Variants in FNDC3B observed in about 807,000 individuals in gnomAD.
FNDC3B encodes the protein fibronectin type III domain containing 3B.
FNDC3B carries 12 observed loss-of-function variants against 151.5 expected under a neutral mutation model. The observed-to-expected ratio is 0.08, with a 90% confidence interval of 0.05 to 0.13. The LOEUF (loss-of-function observed/expected upper bound fraction) is 0.13, where lower values mean the gene tolerates loss of function less well. Ranked by LOEUF, FNDC3B falls within the 10% of genes least tolerant of loss-of-function variation. The pLI is 1.00. For synonymous variants in FNDC3B, 528 were observed against 549.0 expected (o/e 0.96, Z 0.54); for missense variants, 1,214 against 1,505.3 (o/e 0.81, Z 3.20).
chr3:172,330,529 C>T lies in FNDC3B; in HGVS notation c.1380-12C>T. On this transcript the variant is annotated splice_polypyrimidine_tract_variant and intron_variant, in intron 12 of 25. Transcript: ENST00000415807. ...TGCTTCTAACTGTGTGCCTCACTTT[C>T]TTTCTCTACAGTGGTTATAGCCAAG... 6.2e-7 allele frequency: 1 copy of T among 1,603,438 alleles called. No individual in the cohort carries two copies. Among genetic ancestry groups the T allele is most frequent in the Non-Finnish European group, 8.5e-7 (1 of 1,173,016 alleles).
At chr3:172,386,536 A>T (rs532490140) in intron 25 of FNDC3B, among the ~76,000 whole-genome samples, 1 of 152,214 alleles carries the variant, frequency 6.6e-6, no homozygotes, top group African/African-American at 2.4e-5. Context: ...AGGTCAGGAG[A>T]TCGAGACCAT....
chr3:172,344,186 G>A lies in FNDC3B; in HGVS notation c.2178G>A (p.Leu726=), dbSNP rs1315096344. 19 of 1,614,160 alleles carry A rather than the reference G, an allele frequency of 1.2e-5. No individual in the cohort carries two copies. The highest frequency in any genetic ancestry group is 2.5e-6 in the Non-Finnish European group (3 of 1,180,002). ...VASEVYHGPE[L]ECTVGNLLPG... is the part of the protein sequence containing the mutation. ...CGGAAGTGTACCATGGCCCAGAGCT[G>A]GAGTGCACCGTCGGCAACCTGCTTC... is the stretch of plus-strand genomic sequence containing the variant. Residue 726 remains leucine (L), a synonymous_variant, in exon 19 of 26, where the codon CTG becomes CTA. Transcript: ENST00000415807.
At chr3:172,344,526 T>TAA (rs1733511394) in intron 19 of FNDC3B, among the ~76,000 whole-genome samples, 1 of 152,240 alleles carries the variant, frequency 6.6e-6, no homozygotes, top group Non-Finnish European at 1.5e-5. Flanking sequence ...ACCCTGTAGA[T>TAA]ATTTTCGACA....
chr3:172,350,545 G>A (rs1289982566), intron 21 of FNDC3B, among the ~76,000 whole-genome samples: 1 of 152,180 alleles, frequency 6.6e-6, no homozygotes, highest in Non-Finnish European at 1.5e-5. Context: ...GAGAGTTGAG[G>A]TATTGAGGTA....
At chr3:172,311,196 G>T (rs1731459505) in intron 11 of FNDC3B, among the ~76,000 whole-genome samples, 1 of 152,182 alleles carries the variant, frequency 6.6e-6, no homozygotes, top group East Asian at 1.9e-4. Flanking sequence ...TGACTGCTTT[G>T]TCATCTTGAC....
At chr3:172,099,612 C>A (rs550402227) in intron 1 of FNDC3B, among the ~76,000 whole-genome samples, 4 of 152,296 alleles carry the variant, frequency 2.6e-5, no homozygotes, top group African/African-American at 9.6e-5. Context: ...ACAGCCCCAG[C>A]AGGAAGTACC....
intron 25 of FNDC3B, among the ~76,000 whole-genome samples, chr3:172,387,333 A>C (rs1735769756): frequency 6.6e-6 from 1 of 152,078 alleles, no homozygotes; most frequent in Non-Finnish European, 1.5e-5. Flanking sequence ...CCTAACCTCC[A>C]GTGATCCACC....
chr3:172,070,345 T>G (rs189827371), intron 1 of FNDC3B, among the ~76,000 whole-genome samples: 8 of 152,188 alleles, frequency 5.3e-5, no homozygotes, highest in African/African-American at 1.9e-4. Flanking sequence ...ACTCAAGAAT[T>G]ATGATATCAA....
intron 23 of FNDC3B, among the ~76,000 whole-genome samples, chr3:172,368,758 C>CTCGG (rs1274362210): frequency 6.6e-6 from 1 of 152,180 alleles, no homozygotes; most frequent in Non-Finnish European, 1.5e-5. Context: ...TGCCTGTAAT[C>CTCGG]CCAACACTTT....
At chr3:172,059,088 GT>G (rs377474858) in intron 1 of FNDC3B, among the ~76,000 whole-genome samples, 141 of 151,966 alleles carry the variant, frequency 9.3e-4, no homozygotes, top group African/African-American at 3.2e-3. Context: ...TTATTTATTT[GT>G]CACTATTAAT....
chr3:172,303,976 G>C (rs149625297), intron 9 of FNDC3B, among the ~76,000 whole-genome samples: 136 of 152,280 alleles, frequency 8.9e-4, no homozygotes, highest in African/African-American at 3.2e-3. Flanking sequence ...GAAAAGCATT[G>C]ACCCTTAGCA....
chr3:172,134,123 T>C (rs1247100794), intron 3 of FNDC3B, among the ~76,000 whole-genome samples: 1 of 152,210 alleles, frequency 6.6e-6, no homozygotes, highest in Non-Finnish European at 1.5e-5. Flanking sequence ...TCTCCAAAAG[T>C]CTTATCCCAT....
intron 6 of FNDC3B, among the ~76,000 whole-genome samples, chr3:172,262,970 G>A (rs1231052761): frequency 2.0e-5 from 3 of 147,352 alleles, no homozygotes; most frequent in Admixed American, 2.0e-4. Context: ...TTATTGCTGG[G>A]TTAGTATGCC....
intron 3 of FNDC3B, among the ~76,000 whole-genome samples, chr3:172,150,160 G>A (rs1461014376): frequency 6.6e-6 from 1 of 152,034 alleles, no homozygotes; most frequent in Non-Finnish European, 1.5e-5. Flanking sequence ...TTGGCTGCAT[G>A]TTTGAATAGC....
chr3:172,170,276 T>C (rs1193104415), intron 3 of FNDC3B, among the ~76,000 whole-genome samples: 1 of 152,196 alleles, frequency 6.6e-6, no homozygotes, highest in Non-Finnish European at 1.5e-5. Flanking sequence ...TATTTGGGAT[T>C]GTGGACAGGT....
intron 3 of FNDC3B, among the ~76,000 whole-genome samples, chr3:172,139,696 A>G (rs1428156899): frequency 6.6e-6 from 1 of 152,164 alleles, no homozygotes; most frequent in Non-Finnish European, 1.5e-5. Flanking sequence ...TCCTATTACA[A>G]GATTAGGATT....
At chr3:172,127,095 GAA>G (rs1257528507) in intron 2 of FNDC3B, 7 of 456,026 alleles carry the variant, frequency 1.5e-5, no homozygotes, top group African/African-American at 1.4e-4. Flanking sequence ...TCGAGAGCAT[GAA>G]ACATGGCAGA....
chr3:172,373,201 C>T (rs189605798), intron 23 of FNDC3B, among the ~76,000 whole-genome samples: 1 of 152,236 alleles, frequency 6.6e-6, no homozygotes, highest in African/African-American at 2.4e-5. Flanking sequence ...TTCACCATTT[C>T]CTGCTGCTTT....
chr3:172,186,087 G>T (rs1171606325), intron 3 of FNDC3B, among the ~76,000 whole-genome samples: 1 of 152,162 alleles, frequency 6.6e-6, no homozygotes, highest in Admixed American at 6.5e-5. Flanking sequence ...CTGAAGTAAG[G>T]ATTTCAAAAG....
Sources: allele counts gnomAD v4.1 joint callset (sites outside exome capture counted in the v4.1 genomes callset), GRCh38; gene constraint gnomAD v4.1.1; transcripts MANE v1.5; gene names NCBI Gene and HGNC (gene_info 2026-07-23, HGNC 2026-07-21).